Variants in RIC3 observed in about 807,000 individuals in gnomAD.
RIC3 encodes RIC3 acetylcholine receptor chaperone.
A neutral mutation model predicts 27.3 loss-of-function variants in RIC3; 28 were observed. That is an observed-to-expected ratio of 1.02 (90% CI 0.76 to 1.41). RIC3 has a LOEUF of 1.41. RIC3 is among the 40% of genes most tolerant of loss of function. RIC3 has a pLI of 0.00. For missense variants in RIC3, 501 were observed against 444.7 expected (o/e 1.13, Z -1.14); for synonymous variants, 184 against 160.4 (o/e 1.15, Z -1.11).
chr11:8,125,753 G>A (rs961064073), intron 5 of RIC3, among the ~76,000 whole-genome samples: 23 of 152,154 alleles, frequency 1.5e-4, no homozygotes, highest in African/African-American at 5.3e-4. Flanking sequence ...ACAGGTGGCC[G>A]GGCGCGGTGG....
chr11:8,166,492 A>G (rs1044189280), intron 1 of RIC3, among the ~76,000 whole-genome samples: 6 of 152,214 alleles, frequency 3.9e-5, no homozygotes, highest in Admixed American at 2.0e-4. Context: ...TCTTCAAAGC[A>G]GGGATTTCTG....
the RIC3 span, chr11:8,094,274 G>T: frequency 4.1e-6 from 6 of 1,465,802 alleles, no homozygotes; most frequent in Non-Finnish European, 5.5e-6. Context: ...TGACTTGGAG[G>T]GGAGGGATAG....
chr11:8,160,167 T>C (rs1053109094), intron 1 of RIC3, among the ~76,000 whole-genome samples: 1 of 152,202 alleles, frequency 6.6e-6, no homozygotes, highest in Non-Finnish European at 1.5e-5. Flanking sequence ...AATCTGTTTT[T>C]AGAGATGCAT....
rs1458317346 is a variant in RIC3, at chr11:8,107,157, G to A, written c.*3541C>T. 6.6e-6 allele frequency: 1 copy of A among 152,216 alleles called. No homozygotes were observed. Among genetic ancestry groups the A allele is most frequent in the Admixed American group, 6.5e-5 (1 of 15,290 alleles). 9.4% of individuals were successfully genotyped at this position (152,216 alleles called of 1,614,324 possible). A position where few individuals can be genotyped will look rare whatever the true frequency, so the allele number is the denominator to read the frequency against. ...ACATTTTAGAAAAGTCAATGGTCAA[G>A]GCAAAGTCATAAATGTGTTCATGTT... On this transcript the variant is annotated 3_prime_UTR_variant, in exon 6 of 6. Transcript: ENST00000309737.
intron 1 of RIC3, among the ~76,000 whole-genome samples, chr11:8,144,081 A>G (rs1048684526): frequency 6.6e-6 from 1 of 152,246 alleles, no homozygotes; most frequent in African/African-American, 2.4e-5. Context: ...AAACCCTAGA[A>G]GAAAACCTAG....
Position 8,142,392 on chromosome 11 carries a change from C to T in RIC3, c.125-2199G>A, listed in dbSNP as rs1278500863. Among the ~76,000 whole-genome samples the T allele has an allele frequency of 2.6e-4, 40 of 151,598 alleles. 1 individual carries two copies. The highest frequency in any genetic ancestry group is 9.5e-4 in the African/African-American group (39 of 41,114). ...TACAAACTACCATCAGAGAATACTA[C>T]AAACACCTCTACGCAAAAAAACTAG... On this transcript the variant is annotated intron_variant, in intron 1 of 5. Transcript: ENST00000309737.
intron 5 of RIC3, among the ~76,000 whole-genome samples, chr11:8,119,333 G>T (rs551115275): frequency 6.6e-6 from 1 of 152,284 alleles, no homozygotes; most frequent in Non-Finnish European, 1.5e-5. Flanking sequence ...CATGGTACTG[G>T]TACCAAAATA....
intron 1 of RIC3, among the ~76,000 whole-genome samples, chr11:8,150,257 TAA>T (rs1950096967): frequency 6.6e-6 from 1 of 152,194 alleles, no homozygotes; most frequent in Non-Finnish European, 1.5e-5. Flanking sequence ...TTATAAGAAA[TAA>T]AGTCTCCTCT....
chr11:8,123,481 C>T (rs756366101), intron 5 of RIC3, among the ~76,000 whole-genome samples: 3 of 152,078 alleles, frequency 2.0e-5, no homozygotes, highest in Non-Finnish European at 4.4e-5. Flanking sequence ...GGATGATAAA[C>T]CTCTGGGCAG....
At chr11:8,105,873 G>C (rs749460195), downstream of RIC3, 1 of 152,146 alleles carries the variant, frequency 6.6e-6, no homozygotes, top group Non-Finnish European at 1.5e-5. Flanking sequence ...ACGCAACTTA[G>C]GATGGCTAGG....
chr11:8,166,091 T>C (rs868044047), intron 1 of RIC3, among the ~76,000 whole-genome samples: 1 of 152,224 alleles, frequency 6.6e-6, no homozygotes, highest in Admixed American at 6.5e-5. Context: ...ACCTGGTTTA[T>C]GAAACCCTTC....
chr11:8,131,597 T>C (rs1004019754), intron 4 of RIC3, among the ~76,000 whole-genome samples: 1 of 151,870 alleles, frequency 6.6e-6, no homozygotes, highest in African/African-American at 2.4e-5. Context: ...AACATACAAA[T>C]GCTTAATCAA....
chr11:8,111,881 G>A (rs1272424363), intron 5 of RIC3, among the ~76,000 whole-genome samples: 3 of 152,216 alleles, frequency 2.0e-5, no homozygotes, highest in Admixed American at 6.5e-5. Context: ...ATCTGTGTCC[G>A]CCAAGCAAGC....
the RIC3 span, among the ~76,000 whole-genome samples, chr11:8,095,248 T>C: frequency 6.6e-6 from 1 of 152,190 alleles, no homozygotes; most frequent in African/African-American, 2.4e-5. Context: ...TTTAAGGACG[T>C]GAGGTGTTGT....
rs996696589 is a variant in RIC3, at chr11:8,131,806, C to T, written c.522-4999G>A. Among the ~76,000 whole-genome samples, 4 of 141,500 alleles carry T rather than the reference C, an allele frequency of 2.8e-5. No homozygotes were observed. The East Asian group carries it at 8.4e-4, about 30-fold the overall frequency. The allele number at this position is 141,500 out of a possible 152,430, so 92.8% of individuals were successfully genotyped here. Reference sequence around the variant, plus strand: ...GTCCCAGCTACTCAGGAGGCTGAGGCAGGAGAATCACTTGAACCTGGGAGG... The same window carrying T: ...GTCCCAGCTACTCAGGAGGCTGAGGTAGGAGAATCACTTGAACCTGGGAGG... On this transcript the variant is annotated intron_variant, in intron 4 of 5. Transcript: ENST00000309737.
chr11:8,110,074 G>C lies in RIC3; in HGVS notation c.*624C>G, dbSNP rs1322336473. On this transcript the variant is annotated 3_prime_UTR_variant, in exon 6 of 6. Coordinates refer to ENST00000309737, the MANE Select transcript of RIC3 (RefSeq NM_001206671.4). ...AAACAAGCCTCTGGGCTCATTCTCA[G>C]ATCAGTGGGAGTCTTCCCTACTCTG... is the stretch of plus-strand genomic sequence containing the variant. The C allele has an allele frequency of 6.2e-6, 1 of 160,224 alleles. No homozygotes were observed. Among genetic ancestry groups the C allele is most frequent in the Non-Finnish European group, 1.4e-5 (1 of 72,744 alleles). 9.9% of individuals were successfully genotyped at this position (160,224 alleles called of 1,614,324 possible).
intron 1 of RIC3, among the ~76,000 whole-genome samples, chr11:8,148,108 G>A (rs1949896737): frequency 6.6e-6 from 1 of 152,194 alleles, no homozygotes; most frequent in African/African-American, 2.4e-5. Flanking sequence ...AGGCTTGGAA[G>A]TTGCCTTCTG....
chr11:8,103,538 G>C (rs1944395139), downstream of RIC3: 1 of 152,608 alleles, frequency 6.6e-6, no homozygotes, highest in African/African-American at 2.4e-5. Flanking sequence ...ACCTGTCCTA[G>C]CAGGATCTGC....
intron 1 of RIC3, among the ~76,000 whole-genome samples, chr11:8,159,128 T>A (rs1950954914): frequency 6.6e-6 from 1 of 150,918 alleles, no homozygotes; most frequent in Non-Finnish European, 1.5e-5. Context: ...TAGGACCGTG[T>A]TGGAAGTTAA....
Sources: allele counts gnomAD v4.1 joint callset (sites outside exome capture counted in the v4.1 genomes callset), GRCh38; gene constraint gnomAD v4.1.1; transcripts MANE v1.5; gene names NCBI Gene and HGNC (gene_info 2026-07-23, HGNC 2026-07-21).